The following RXRA variants were observed in gnomAD, a reference collection of about 807,000 sequenced individuals.
RXRA encodes retinoid X receptor alpha, also known as retinoic acid receptor RXR-alpha.
Under a neutral mutation model 44.5 loss-of-function variants are expected in RXRA, and 5 were observed. That is an observed-to-expected ratio of 0.11 (90% confidence interval 0.06 to 0.24). The LOEUF is 0.24. RXRA is among the 10% of genes least tolerant of loss of function. RXRA has a pLI of 1.00. For synonymous variants in RXRA, 291 were observed against 271.4 expected, an observed-to-expected ratio of 1.07 and a Z score of -0.71; for missense variants, 412 against 646.5, an observed-to-expected ratio of 0.64 and a Z score of 3.93.
intron 1 of RXRA, among the ~76,000 whole-genome samples, chr9:134,393,108 G>C (rs569670200): frequency 9.8e-5 from 15 of 152,288 alleles, no homozygotes; most frequent in East Asian, 7.7e-4. Flanking sequence ...GACATTTCCT[G>C]AGCCAGCGTC....
intron 1 of RXRA, among the ~76,000 whole-genome samples, chr9:134,331,698 C>T (rs1412483566): frequency 6.6e-6 from 1 of 152,274 alleles, no homozygotes; most frequent in Non-Finnish European, 1.5e-5. Context: ...GTCACAGAGA[C>T]AAGCCCACTT....
intron 4 of RXRA, among the ~76,000 whole-genome samples, chr9:134,412,350 A>G (rs1831163271): frequency 6.6e-6 from 1 of 152,188 alleles, no homozygotes; most frequent in African/African-American, 2.4e-5. Context: ...ACCCCTAGAA[A>G]CAGGCTGGAG....
At chr9:134,395,687 CCCATGGGGCCCCTTGGCATTG>C (rs1243059683) in intron 1 of RXRA, among the ~76,000 whole-genome samples, 1 of 152,220 alleles carries the variant, frequency 6.6e-6, no homozygotes, top group East Asian at 1.9e-4. Flanking sequence ...GCTGGACCTC[CCCATGGGGCCCCTTGGCATTG>C]CCTTCAGGGA....
In RXRA at chr9:134,417,466, C is replaced by T; in HGVS notation, c.780+139C>T. 9.8e-7 allele frequency: 1 copy of T among 1,015,424 alleles called. No homozygotes were observed. Among genetic ancestry groups the T allele is most frequent in the South Asian group, 1.6e-5 (1 of 62,536 alleles). 62.9% of individuals were successfully genotyped at this position (1,015,424 alleles called of 1,614,324 possible). A position where few individuals can be genotyped will look rare whatever the true frequency, so the allele number is the denominator to read the frequency against. On this transcript the variant is annotated intron_variant, in intron 5 of 9. Coordinates refer to ENST00000481739, the MANE Select transcript of RXRA (RefSeq NM_002957.6). The surrounding 1 kb of genome is among the most constrained non-coding windows in gnomAD (Gnocchi z 6.1). ...GGCCCTGTGGCTGCCTCAGCTCGGCCTCTTACCTGAGGTGACCCCGTGGGC... is the reference window on the plus strand; with the variant it reads ...GGCCCTGTGGCTGCCTCAGCTCGGCTTCTTACCTGAGGTGACCCCGTGGGC...
At chr9:134,378,379 A>G (rs1015941205) in intron 1 of RXRA, among the ~76,000 whole-genome samples, 5 of 65,882 alleles carry the variant, frequency 7.6e-5, no homozygotes, top group Admixed American at 5.9e-4. Flanking sequence ...GGTCCTTACC[A>G]CTGTGTGGTT....
chr9:134,346,055 G>T (rs539352349), intron 1 of RXRA, among the ~76,000 whole-genome samples: 1 of 152,194 alleles, frequency 6.6e-6, no homozygotes, highest in African/African-American at 2.4e-5. Context: ...TTTCTGGGGG[G>T]TGGGGTCCAG....
chr9:134,433,871 A>G lies in RXRA; in HGVS notation c.1136-231A>G, dbSNP rs1831572010. On this transcript the variant is annotated intron_variant, in intron 8 of 9. Coordinates refer to ENST00000481739, the MANE Select transcript of RXRA (RefSeq NM_002957.6). This position sits in a 1 kb window ranked among gnomAD's most constrained non-coding sequence, Gnocchi z 4.2. ...CAAGGTCACGTGGCTGGCAAGTGGC[A>G]GAGCTGAGCCTGGACCCAGAGCAGC... Among the ~76,000 whole-genome samples, 1 of 152,174 alleles carries G rather than the reference A, an allele frequency of 6.6e-6. No homozygotes were observed.
In RXRA at chr9:134,417,203, A is replaced by G; in HGVS notation, c.656A>G (p.Glu219Gly). 6.2e-7 allele frequency: 1 copy of G among 1,613,464 alleles called. No individual in the cohort carries two copies. Among genetic ancestry groups the G allele is most frequent in the Non-Finnish European group, 8.5e-7 (1 of 1,179,940 alleles). The change falls in exon 5 of 10, where the codon GAG becomes GGG. Residue 219 changes from glutamate (E) to glycine (G), a missense_variant. Physicochemically the swap from Glu to Gly is moderately conservative, Grantham distance 98. This residue lies in a region of RXRA where 67 missense variants were observed against 78.7 expected (regional missense o/e 0.85). Transcript: ENST00000481739. This position sits in a 1 kb window ranked among gnomAD's most constrained non-coding sequence, Gnocchi z 6.1. The stretch of plus-strand genomic sequence containing the variant: ...CGTGGCAAGGACCGGAACGAGAATG[A>G]GGTGGAGTCGACCAGCAGCGCCAAC... ...RQRGKDRNEN[E>G]VESTSSANED...
chr9:134,363,647 C>T (rs959314154), intron 1 of RXRA, among the ~76,000 whole-genome samples: 4 of 152,226 alleles, frequency 2.6e-5, no homozygotes, highest in African/African-American at 7.2e-5. Flanking sequence ...CTGTGCCGCA[C>T]CTGTGCGGCA....
At chr9:134,371,063 T>A (rs1287518840) in intron 1 of RXRA, among the ~76,000 whole-genome samples, 1 of 151,976 alleles carries the variant, frequency 6.6e-6, no homozygotes, top group Non-Finnish European at 1.5e-5. Flanking sequence ...GGCTGGCAGG[T>A]GGGTCACCCT....
chr9:134,328,096 G>C (rs559854113), intron 1 of RXRA, among the ~76,000 whole-genome samples: 7 of 152,280 alleles, frequency 4.6e-5, no homozygotes, highest in African/African-American at 1.7e-4. Context: ...GTCTGTGACC[G>C]AGTGCAGTGT....
chr9:134,402,041 G>A lies in RXRA; in HGVS notation c.279+159G>A, dbSNP rs182553656. The A allele has an allele frequency of 2.4e-3, 1,600 of 662,386 alleles. 7 individuals are homozygous for A. Among genetic ancestry groups the A allele is most frequent in the Middle Eastern group, 4.6e-3 (11 of 2,380 alleles). 41.0% of individuals were successfully genotyped at this position (662,386 alleles called of 1,614,324 possible). A position where few individuals can be genotyped will look rare whatever the true frequency, so the allele number is the denominator to read the frequency against. On this transcript the variant is annotated intron_variant, in intron 2 of 9. Transcript: ENST00000481739. ...ACAGAGCCTCGGGGAGCAGAGTGCC[G>A]TGGGGGTTTGAGCCCAGGTGGGGCT...
At chr9:134,328,285 T>G (rs1380394056) in intron 1 of RXRA, among the ~76,000 whole-genome samples, 1 of 152,202 alleles carries the variant, frequency 6.6e-6, no homozygotes, top group Non-Finnish European at 1.5e-5. Flanking sequence ...AGCTGAGTAC[T>G]GAGAACCGAA....
At chr9:134,374,639 A>G (rs935063423) in intron 1 of RXRA, among the ~76,000 whole-genome samples, 3 of 152,194 alleles carry the variant, frequency 2.0e-5, no homozygotes, top group Non-Finnish European at 4.4e-5. Flanking sequence ...CTACCCAGAG[A>G]ATGGCCAGGC....
At chr9:134,369,891 C>T (rs746097767) in intron 1 of RXRA, among the ~76,000 whole-genome samples, 8 of 152,176 alleles carry the variant, frequency 5.3e-5, no homozygotes, top group African/African-American at 1.4e-4. Context: ...CCCGTGTGTG[C>T]GGGTGCATGA....
chr9:134,434,194 G>A lies in RXRA; in HGVS notation c.1228G>A (p.Glu410Lys). The A allele has an allele frequency of 6.2e-7, 1 of 1,613,300 alleles. No individual in the cohort carries two copies. The highest frequency in any genetic ancestry group is 8.5e-7 in the Non-Finnish European group (1 of 1,179,494). The change falls in exon 9 of 10, where the codon GAG becomes AAG. Residue 410 changes from glutamate (E) to lysine (K), a missense_variant. Physicochemically the swap from Glu to Lys is moderately conservative, Grantham distance 56 (BLOSUM62 1). Around this residue, in one of 4 missense-constraint regions of RXRA, gnomAD observed 141 missense variants for 270.8 expected, o/e 0.52. Coordinates refer to ENST00000481739, the MANE Select transcript of RXRA (RefSeq NM_002957.6). ...GGCCTACTGCAAGCACAAGTACCCAGAGCAGCCGGGAAGGTGGGTCCCGCC... is the reference window on the plus strand; with the variant it reads ...GGCCTACTGCAAGCACAAGTACCCAAAGCAGCCGGGAAGGTGGGTCCCGCC... ...LEAYCKHKYP[E>K]QPGRFAKLLL...
At chr9:134,425,352 C>T (rs1254480237) in intron 6 of RXRA, 3 of 985,160 alleles carry the variant, frequency 3.0e-6, no homozygotes, top group Admixed American at 6.1e-5. Context: ...GGGTCACACC[C>T]TGACCCTTGT....
At chr9:134,414,388 G>T (rs1831199449) in intron 4 of RXRA, among the ~76,000 whole-genome samples, 1 of 152,262 alleles carries the variant, frequency 6.6e-6, no homozygotes, top group African/African-American at 2.4e-5. Context: ...GGGGTGGGAG[G>T]CTCCGGTGAC....
chr9:134,341,341 T>C (rs1451991266), intron 1 of RXRA, among the ~76,000 whole-genome samples: 18 of 152,100 alleles, frequency 1.2e-4, no homozygotes, highest in Admixed American at 1.2e-3. Flanking sequence ...ACTTCCAGCC[T>C]GGGGTTCTGG....
Sources: gnomAD v4.1 joint callset for allele counts (sites outside exome capture counted in the v4.1 genomes callset) on GRCh38, gnomAD v4.1.1 for gene constraint, gnomAD v4.1.1 regional missense constraint, Gnocchi (gnomAD v3.1) non-coding constraint, MANE v1.5 for transcripts, NCBI Gene and HGNC (gene_info 2026-07-23, HGNC 2026-07-21) for gene names.